Variants in EYS observed in about 807,000 individuals in gnomAD.
The protein encoded by EYS is protein eyes shut homolog.
A neutral mutation model predicts 282.1 loss-of-function variants in EYS; 250 were observed. That is an observed-to-expected ratio of 0.89 (90% confidence interval 0.80 to 0.98). EYS has a LOEUF of 0.98. EYS is among the 50% of genes least tolerant of loss of function. The pLI, the probability that EYS is intolerant of heterozygous loss-of-function variation, is 0.00. For synonymous variants in EYS, 1,355 were observed against 1,282.9 expected (o/e 1.06, Z -1.20); for missense variants, 4,016 against 3,709.0 (o/e 1.08, Z -2.15).
chr6:65,232,525 G>C (rs1766809777), intron 12 of EYS, among the ~76,000 whole-genome samples: 1 of 151,972 alleles, frequency 6.6e-6, no homozygotes, highest in Non-Finnish European at 1.5e-5. Flanking sequence ...TTAAACGTTT[G>C]AGTAGTTTTA....
intron 29 of EYS, among the ~76,000 whole-genome samples, chr6:64,341,649 AC>A (rs1320670128): frequency 6.6e-6 from 1 of 151,570 alleles, no homozygotes; most frequent in Non-Finnish European, 1.5e-5. Flanking sequence ...TCTCACATTT[AC>A]CCCCTCTTTA....
At chr6:64,157,236 T>C (rs949052504) in intron 31 of EYS, among the ~76,000 whole-genome samples, 12 of 152,142 alleles carry the variant, frequency 7.9e-5, no homozygotes, top group Non-Finnish European at 1.5e-4. Flanking sequence ...TCATTTCTTA[T>C]GGCTGCATAG....
intron 29 of EYS, among the ~76,000 whole-genome samples, chr6:64,309,034 T>C (rs1769568983): frequency 6.6e-6 from 1 of 152,126 alleles, no homozygotes; most frequent in African/African-American, 2.4e-5. Flanking sequence ...TTTATGACTA[T>C]GTCTCCTGAA....
intron 30 of EYS, among the ~76,000 whole-genome samples, chr6:64,295,490 G>GAAGAAGAAAGAAGA (rs1182999291): frequency 1.1e-4 from 3 of 28,174 alleles, no homozygotes; most frequent in East Asian, 6.7e-4. Flanking sequence ...AGAAGAAGAA[G>GAAGAAGAAAGAAGA]AAGAAGAAAG....
intron 22 of EYS, among the ~76,000 whole-genome samples, chr6:64,714,542 T>TGAGACGGAG (rs1771317063): frequency 5.2e-5 from 4 of 76,784 alleles, no homozygotes; most frequent in East Asian, 7.6e-4. Flanking sequence ...TTTTTTTTTT[T>TGAGACGGAG]TGAGACGGAG....
intron 36 of EYS, among the ~76,000 whole-genome samples, chr6:63,819,275 T>G (rs2149685025): frequency 6.6e-6 from 1 of 152,272 alleles, no homozygotes; most frequent in Non-Finnish European, 1.5e-5. Flanking sequence ...GTTTGTGTGG[T>G]TTCATGGAAG....
intron 22 of EYS, among the ~76,000 whole-genome samples, chr6:64,691,770 C>T (rs1277523042): frequency 6.6e-6 from 1 of 152,172 alleles, no homozygotes; most frequent in African/African-American, 2.4e-5. Flanking sequence ...TCTGTTTCTG[C>T]ATTAATTCGC....
chr6:65,542,374 C>T (rs1223614690), intron 2 of EYS, among the ~76,000 whole-genome samples: 1 of 151,940 alleles, frequency 6.6e-6, no homozygotes, highest in Non-Finnish European at 1.5e-5. Flanking sequence ...TGTATAACCA[C>T]CAGTCTATCG....
At chr6:63,964,595 A>G (rs982078081) in intron 35 of EYS, among the ~76,000 whole-genome samples, 2 of 152,210 alleles carry the variant, frequency 1.3e-5, no homozygotes, top group Admixed American at 1.3e-4. Flanking sequence ...CCATTAAGGG[A>G]AACACAGCAG....
At chr6:64,197,736 G>A (rs1289530958) in intron 31 of EYS, among the ~76,000 whole-genome samples, 1 of 149,358 alleles carries the variant, frequency 6.7e-6, no homozygotes, top group Non-Finnish European at 1.5e-5. Flanking sequence ...CTATTTAGTG[G>A]TTTTTACTTT....
chr6:64,192,889 C>T (rs1363953290), intron 31 of EYS, among the ~76,000 whole-genome samples: 1 of 152,090 alleles, frequency 6.6e-6, no homozygotes, highest in Non-Finnish European at 1.5e-5. Flanking sequence ...CATCCTTGTC[C>T]CATTGATCTT....
intron 39 of EYS, among the ~76,000 whole-genome samples, chr6:63,786,364 A>G (rs1770361352): frequency 6.6e-6 from 1 of 152,072 alleles, no homozygotes. Context: ...AGAAAATTCC[A>G]TTTGCTTTGC....
chr6:64,502,956 C>G (rs936207454), intron 26 of EYS, among the ~76,000 whole-genome samples: 2 of 152,264 alleles, frequency 1.3e-5, no homozygotes, highest in Middle Eastern at 3.4e-3. Flanking sequence ...AATGCAAGTT[C>G]TTAACGAACT....
intron 42 of EYS, among the ~76,000 whole-genome samples, chr6:63,723,876 C>T (rs1362247306): frequency 6.6e-6 from 1 of 151,088 alleles, no homozygotes; most frequent in Admixed American, 6.6e-5. Flanking sequence ...AGCTGGAGTG[C>T]AATGGTGCAA....
chr6:65,369,348 C>T (rs1415519440), intron 8 of EYS, among the ~76,000 whole-genome samples: 9 of 135,072 alleles, frequency 6.7e-5, no homozygotes, highest in African/African-American at 2.4e-4. Flanking sequence ...ATATATATCT[C>T]ATTCTGAACC....
chr6:64,507,449 T>C (rs531207250), intron 26 of EYS, among the ~76,000 whole-genome samples: 52 of 152,336 alleles, frequency 3.4e-4, no homozygotes, highest in African/African-American at 1.2e-3. Context: ...TTAAAAATTG[T>C]CCATTCCCTA....
intron 31 of EYS, among the ~76,000 whole-genome samples, chr6:64,096,424 A>G (rs943728838): frequency 6.6e-6 from 1 of 152,220 alleles, no homozygotes; most frequent in Admixed American, 6.5e-5. Flanking sequence ...ACATAGTCCC[A>G]TATTTCTTAG....
chr6:64,106,208 A>G (rs1773003543), intron 31 of EYS, among the ~76,000 whole-genome samples: 1 of 151,946 alleles, frequency 6.6e-6, no homozygotes, highest in South Asian at 2.1e-4. Context: ...ATTTCTTAGT[A>G]TATCAATTGA....
intron 26 of EYS, among the ~76,000 whole-genome samples, chr6:64,559,429 T>C (rs2062888619): frequency 6.6e-6 from 1 of 152,004 alleles, no homozygotes; most frequent in African/African-American, 2.4e-5. Flanking sequence ...ATAACACTTC[T>C]TGATTAGCAT....
Sources: gnomAD v4.1 joint callset for allele counts (sites outside exome capture counted in the v4.1 genomes callset) on GRCh38, gnomAD v4.1.1 for gene constraint, MANE v1.5 for transcripts, NCBI Gene and HGNC (gene_info 2026-07-23, HGNC 2026-07-21) for gene names.